Variants in DAB2IP observed in about 807,000 individuals in gnomAD.
DAB2IP encodes disabled homolog 2-interacting protein.
A neutral mutation model predicts 107.2 loss-of-function variants in DAB2IP; 28 were observed. The observed-to-expected ratio is 0.26, with a 90% CI of 0.19 to 0.36. DAB2IP has a LOEUF of 0.36. Among genes scored for constraint, DAB2IP ranks in the 10% least tolerant of loss-of-function variants. The probability of loss-of-function intolerance (pLI) is 1.00; values close to 1 mark genes in which losing one functional copy is unlikely to be tolerated. For missense variants in DAB2IP, 1,400 were observed against 1,644.7 expected (o/e 0.85, Z 2.57); for synonymous variants, 755 against 706.4 (o/e 1.07, Z -1.09).
chr9:121,753,511 A>G lies in DAB2IP; in HGVS notation c.363-3502A>G, dbSNP rs562371815. Among the ~76,000 whole-genome samples the G allele has an allele frequency of 1.7e-3, 263 of 152,332 alleles. 2 individuals carry two copies. Among genetic ancestry groups the G allele is most frequent in the African/African-American group, 5.8e-3 (241 of 41,576 alleles). On this transcript the variant is annotated intron_variant, in intron 3 of 15. Transcript: ENST00000408936. Reference sequence around the variant, plus strand: ...CAGAAGCCCTGAATACAGGGGCATCAGCCCCCAGATACCACACCACATAGG... The same window carrying G: ...CAGAAGCCCTGAATACAGGGGCATCGGCCCCCAGATACCACACCACATAGG...
intron 9 of DAB2IP, among the ~76,000 whole-genome samples, chr9:121,767,630 G>A (rs891745404): frequency 1.3e-5 from 2 of 152,188 alleles, no homozygotes; most frequent in Non-Finnish European, 2.9e-5. Context: ...GGCTGTGGGA[G>A]CCACCAGAGG....
chr9:121,605,350 T>TA (rs1361519193), intron 1 of DAB2IP, among the ~76,000 whole-genome samples: 3 of 152,062 alleles, frequency 2.0e-5, no homozygotes, highest in South Asian at 2.1e-4. Flanking sequence ...ATCTGCTTCT[T>TA]AAAAAAAACT....
At chr9:121,649,443 A>C (rs577849194), upstream of DAB2IP, among the ~76,000 whole-genome samples, 126 of 147,800 alleles carry the variant, frequency 8.5e-4, 7 homozygotes, top group African/African-American at 2.8e-3. Flanking sequence ...GGCCCAGGCT[A>C]AGACCACTTG....
chr9:121,593,597 ACTTTCTTTCTTT>A (rs375746544), intron 1 of DAB2IP, among the ~76,000 whole-genome samples: 3 of 145,948 alleles, frequency 2.1e-5, no homozygotes, highest in Admixed American at 6.8e-5. Flanking sequence ...TCAGCCTCCC[ACTTTCTTTCTTT>A]CTTTCTTTCT....
At chr9:121,596,327 A>G (rs1390126628) in intron 1 of DAB2IP, among the ~76,000 whole-genome samples, 1 of 152,086 alleles carries the variant, frequency 6.6e-6, no homozygotes, top group Non-Finnish European at 1.5e-5. Flanking sequence ...GTGAAACTCC[A>G]TCTCAAAAAA....
chr9:121,577,284 G>A lies in DAB2IP; in HGVS notation c.40+10056G>A, dbSNP rs111863007. On this transcript the variant is annotated intron_variant, in intron 1 of 16. Transcript: ENST00000259371. ...GTCAGATTGTCTCGGGAGAGTGGGGGAAGAGGCGGGTGGAGTGGGGGTGGA... is the reference window on the plus strand; with the variant it reads ...GTCAGATTGTCTCGGGAGAGTGGGGAAAGAGGCGGGTGGAGTGGGGGTGGA... Among the ~76,000 whole-genome samples the A allele has an allele frequency of 3.0e-3, 450 of 152,324 alleles. 7 individuals are homozygous for A. Among genetic ancestry groups the A allele is most frequent in the African/African-American group, 0.01 (431 of 41,576 alleles).
At chr9:121,672,929 G>T (rs945470530) in intron 1 of DAB2IP, among the ~76,000 whole-genome samples, 3 of 152,202 alleles carry the variant, frequency 2.0e-5, no homozygotes, top group African/African-American at 4.8e-5. Flanking sequence ...AATTAGAAAA[G>T]ATTTGCTGCA....
intron 3 of DAB2IP, among the ~76,000 whole-genome samples, chr9:121,738,421 G>T (rs1832083855): frequency 6.6e-6 from 1 of 151,558 alleles, no homozygotes; most frequent in Non-Finnish European, 1.5e-5. Context: ...AAAGTAAAGG[G>T]TTTTTTTTTC....
chr9:121,632,669 C>T (rs563778751), intron 1 of DAB2IP, among the ~76,000 whole-genome samples: 124 of 152,306 alleles, frequency 8.1e-4, no homozygotes, highest in South Asian at 1.2e-3. Flanking sequence ...CGTCTAACCC[C>T]GTTCTTTTCC....
chr9:121,608,723 G>A (rs917760441), intron 1 of DAB2IP, among the ~76,000 whole-genome samples: 3 of 152,198 alleles, frequency 2.0e-5, no homozygotes, highest in Non-Finnish European at 4.4e-5. Flanking sequence ...TGTGCTAACT[G>A]GCTTTGCTGT....
chr9:121,678,855 C>A (rs1828421831), intron 2 of DAB2IP, 74 bp downstream of exon 2: 9 of 1,315,402 alleles, frequency 6.8e-6, no homozygotes, highest in African/African-American at 1.5e-5. Context: ...TGCTCTGTGA[C>A]CCCACGGCCC....
chr9:121,657,362 T>C (rs1406116405), intron 1 of DAB2IP, among the ~76,000 whole-genome samples: 2 of 152,178 alleles, frequency 1.3e-5, no homozygotes, highest in Non-Finnish European at 2.9e-5. Flanking sequence ...TGCCCTTGCC[T>C]TTGTCCTTCC....
exon 12 of DAB2IP, chr9:121,773,204 A>G (rs1834902594): frequency 3.2e-6 from 5 of 1,574,632 alleles, no homozygotes; most frequent in Non-Finnish European, 4.3e-6. Flanking sequence ...TGGCACGGCG[A>G]CAGATGTCAC....
intron 1 of DAB2IP, among the ~76,000 whole-genome samples, chr9:121,666,910 A>G (rs1833461397): frequency 1.5e-5 from 2 of 137,142 alleles, no homozygotes; most frequent in African/African-American, 5.4e-5. Flanking sequence ...ACACACACAC[A>G]CACACAACAC....
chr9:121,584,407 C>T (rs981969700), intron 1 of DAB2IP, among the ~76,000 whole-genome samples: 1 of 149,810 alleles, frequency 6.7e-6, no homozygotes, highest in Admixed American at 6.6e-5. Context: ...GACCCTGTCT[C>T]TACAAAAAAA....
intron 3 of DAB2IP, among the ~76,000 whole-genome samples, chr9:121,712,518 TG>T (rs1830384297): frequency 1.3e-5 from 2 of 152,296 alleles, no homozygotes; most frequent in South Asian, 4.2e-4. Flanking sequence ...GGAGGTAGCC[TG>T]GGAGTGATTC....
rs552348791 is a variant in DAB2IP, at chr9:121,730,957, T to G, written c.363-26056T>G. On this transcript the variant is annotated intron_variant, in intron 3 of 15. Transcript: ENST00000408936. ...GAAGTTGGTGGGGGCACAGAAGTTG[T>G]TGGGGACACAGATCTCTGAAGAAGG... is the stretch of plus-strand genomic sequence containing the variant. Among the ~76,000 whole-genome samples, 8 of 152,332 alleles carry G rather than the reference T, an allele frequency of 5.3e-5. No homozygotes were observed. In the East Asian group the frequency reaches 5.8e-4, roughly 11 times the overall value.
chr9:121,777,924 A>T (rs1351293933), intron 14 of DAB2IP, among the ~76,000 whole-genome samples: 1 of 152,242 alleles, frequency 6.6e-6, no homozygotes, highest in African/African-American at 2.4e-5. Context: ...CTTGTCTGCT[A>T]TTAATGTAGC....
intron 1 of DAB2IP, among the ~76,000 whole-genome samples, chr9:121,612,745 G>A (rs1831139404): frequency 6.6e-6 from 1 of 152,232 alleles, no homozygotes; most frequent in Non-Finnish European, 1.5e-5. Flanking sequence ...GTGTGTTTGT[G>A]TGTTGTGTGT....
Sources: allele counts gnomAD v4.1 joint callset (sites outside exome capture counted in the v4.1 genomes callset), GRCh38; gene constraint gnomAD v4.1.1; transcripts MANE v1.5; gene names NCBI Gene and HGNC (gene_info 2026-07-23, HGNC 2026-07-21).